The following ADCY8 variants were observed in gnomAD, a reference collection of about 807,000 sequenced individuals.
The protein encoded by ADCY8 is adenylate cyclase type 8.
In ADCY8, 51 loss-of-function variants were observed where a neutral mutation model predicts 119.7. That is an observed-to-expected ratio of 0.43 (90% CI 0.34 to 0.54). ADCY8 has a LOEUF of 0.54. Ranked by LOEUF, ADCY8 falls within the 20% of genes least tolerant of loss-of-function variation. The pLI is 0.03. For missense variants in ADCY8, 1,383 were observed against 1,598.8 expected, an observed-to-expected ratio of 0.87 and a Z score of 2.30; for synonymous variants, 665 against 651.0, an observed-to-expected ratio of 1.02 and a Z score of -0.33.
At chr8:130,917,966 C>T (rs1820180212) in intron 5 of ADCY8, among the ~76,000 whole-genome samples, 1 of 152,180 alleles carries the variant, frequency 6.6e-6, no homozygotes, top group Non-Finnish European at 1.5e-5. Flanking sequence ...TGGCCTGCTG[C>T]AGTGCTTCAC....
chr8:130,976,762 G>A (rs1822084199), intron 2 of ADCY8, among the ~76,000 whole-genome samples: 1 of 152,102 alleles, frequency 6.6e-6, no homozygotes, highest in Non-Finnish European at 1.5e-5. Context: ...CAAATAAGAA[G>A]CCCTTTGCTT....
intron 2 of ADCY8, among the ~76,000 whole-genome samples, chr8:130,976,962 C>G (rs936328029): frequency 6.6e-6 from 1 of 152,154 alleles, no homozygotes; most frequent in Non-Finnish European, 1.5e-5. Flanking sequence ...CAGAGATTAC[C>G]TTGCTCAAGG....
At chr8:130,795,455 C>G (rs1285062454) in intron 15 of ADCY8, among the ~76,000 whole-genome samples, 2 of 152,216 alleles carry the variant, frequency 1.3e-5, no homozygotes, top group East Asian at 3.8e-4. Flanking sequence ...GCGAAGCCGA[C>G]CCTGAGTGGG....
intron 1 of ADCY8, among the ~76,000 whole-genome samples, chr8:130,995,270 T>C (rs1484945942): frequency 6.6e-6 from 1 of 152,160 alleles, no homozygotes; most frequent in Non-Finnish European, 1.5e-5. Flanking sequence ...ATTGGTCATA[T>C]TGTAAATCCA....
chr8:130,800,465 G>A lies in ADCY8; in HGVS notation c.3021C>T (p.Cys1007=), dbSNP rs1815740736. ...CAATGATCTCATTGAGCAAGCGCAG[G>A]CATTCCACTCCCTGGTTATTCATTT... The part of the protein sequence containing the change: ...QTEMNNQGVE[C]LRLLNEIIAD... Residue 1007 remains cysteine (C), a synonymous_variant, in exon 15 of 18, where the codon TGC becomes TGT. Transcript: ENST00000286355. The A allele has an allele frequency of 1.2e-6, 2 of 1,614,072 alleles. No homozygotes were observed. Among genetic ancestry groups the A allele is most frequent in the African/African-American group, 2.7e-5 (2 of 74,904 alleles).
At chr8:130,956,732 G>A (rs1420153123) in intron 2 of ADCY8, among the ~76,000 whole-genome samples, 1 of 152,074 alleles carries the variant, frequency 6.6e-6, no homozygotes, top group East Asian at 1.9e-4. Context: ...GAATCACAGG[G>A]GTAGTTTCTT....
intron 1 of ADCY8, among the ~76,000 whole-genome samples, chr8:131,039,125 C>T (rs532714550): frequency 6.6e-6 from 1 of 152,296 alleles, no homozygotes; most frequent in Non-Finnish European, 1.5e-5. Flanking sequence ...TAGCTGATGT[C>T]AGAGTAGAAT....
At chr8:130,977,363 A>C (rs545713291) in intron 2 of ADCY8, among the ~76,000 whole-genome samples, 67 of 152,342 alleles carry the variant, frequency 4.4e-4, no homozygotes, top group Middle Eastern at 6.8e-3. Flanking sequence ...ATACTCATTC[A>C]TTCAGTGGGT....
Position 131,039,426 on chromosome 8 carries a change from T to A in ADCY8, c.908A>T (p.Gln303Leu). ...GGGTATGACCACTTGGAGGATGACC[T>A]GCAGCAGCGAGGTGCCCAGGCCGGC... ...ILAGLGTSLL[Q>L]VILQVVIPRL... Residue 303 changes from glutamine (Q) to leucine (L), a missense_variant, in exon 1 of 18, where the codon CAG becomes CTG. Physicochemically the swap from Gln to Leu is moderately radical, Grantham distance 113. Coordinates refer to ENST00000286355, the MANE Select transcript of ADCY8 (RefSeq NM_001115.3). 6 of 1,614,150 alleles carry A rather than the reference T, an allele frequency of 3.7e-6. No homozygotes were observed. Among genetic ancestry groups the A allele is most frequent in the Non-Finnish European group, 5.1e-6 (6 of 1,180,024 alleles).
intron 11 of ADCY8, among the ~76,000 whole-genome samples, chr8:130,842,939 A>AT (rs1274585644): frequency 1.3e-5 from 2 of 149,514 alleles, no homozygotes; most frequent in Admixed American, 1.3e-4. Context: ...TCTTTGGTTG[A>AT]TTTTTTTCCC....
At chr8:131,032,257 G>T (rs1824019269) in intron 1 of ADCY8, among the ~76,000 whole-genome samples, 1 of 152,132 alleles carries the variant, frequency 6.6e-6, no homozygotes, top group African/African-American at 2.4e-5. Flanking sequence ...TCCCTAATTT[G>T]GGGGAAGTTT....
At chr8:130,789,484 G>T (rs1815358590) in intron 15 of ADCY8, among the ~76,000 whole-genome samples, 2 of 152,150 alleles carry the variant, frequency 1.3e-5, no homozygotes, top group Admixed American at 1.3e-4. Flanking sequence ...TGTACCCCAA[G>T]TCTAATGGTC....
intron 7 of ADCY8, among the ~76,000 whole-genome samples, chr8:130,893,660 GTGTGT>G: frequency 7.0e-5 from 1 of 14,238 alleles, no homozygotes; most frequent in African/African-American, 2.2e-4. Context: ...AGAAGAAGGT[GTGTGT>G]GTGTGTGTGT....
rs547139180 is a variant in ADCY8, at chr8:131,022,437, G to C, written c.960+16937C>G. ...GGTTTCCAGCTTCATCCATGTCCCTGTAAAGGACATGAACTCATCCTTTTT... is the reference window on the plus strand; with the variant it reads ...GGTTTCCAGCTTCATCCATGTCCCTCTAAAGGACATGAACTCATCCTTTTT... On this transcript the variant is annotated intron_variant, in intron 1 of 17. Transcript: ENST00000286355. 2.0e-5 allele frequency among the ~76,000 whole-genome samples: 3 copies of C among 152,238 alleles called. No homozygotes were observed. In the South Asian group the frequency reaches 6.2e-4, roughly 32 times the overall value.
chr8:130,930,473 G>A (rs1170364081), intron 5 of ADCY8, among the ~76,000 whole-genome samples: 1 of 152,006 alleles, frequency 6.6e-6, no homozygotes. Context: ...GGATGGTGTC[G>A]ATCCCCTGAC....
At chr8:130,792,827 C>A (rs571077678) in intron 15 of ADCY8, among the ~76,000 whole-genome samples, 2 of 152,186 alleles carry the variant, frequency 1.3e-5, no homozygotes, top group Non-Finnish European at 2.9e-5. Context: ...TGGAAACCCT[C>A]GTAGCCATCC....
At chr8:130,984,630 A>C (rs893519296) in intron 2 of ADCY8, among the ~76,000 whole-genome samples, 1 of 152,210 alleles carries the variant, frequency 6.6e-6, no homozygotes, top group African/African-American at 2.4e-5. Flanking sequence ...TTAGAAAGCT[A>C]TTTTGTGAGA....
intron 1 of ADCY8, among the ~76,000 whole-genome samples, chr8:130,995,210 T>C (rs6470877): frequency 0.49 from 73,855 of 151,972 alleles, 18,100 homozygotes; most frequent in East Asian, 0.63. Context: ...TAATAAGATC[T>C]TTTACAATAA....
At chr8:130,781,221 G>T (rs1815069635) in intron 17 of ADCY8, among the ~76,000 whole-genome samples, 2 of 152,180 alleles carry the variant, frequency 1.3e-5, no homozygotes, top group Admixed American at 6.5e-5. Flanking sequence ...TCTGTGAGAT[G>T]ATCAGAGCAT....
Sources: gnomAD v4.1 joint callset for allele counts (sites outside exome capture counted in the v4.1 genomes callset) on GRCh38, gnomAD v4.1.1 for gene constraint, MANE v1.5 for transcripts, NCBI Gene and HGNC (gene_info 2026-07-23, HGNC 2026-07-21) for gene names.